The following PIGF variants were observed in gnomAD, a reference collection of about 807,000 sequenced individuals.
PIGF encodes GPI ethanolamine phosphate transferase, stabilizing subunit.
A neutral mutation model predicts 26.0 loss-of-function variants in PIGF; 23 were observed. The observed-to-expected ratio is 0.88, with a 90% CI of 0.64 to 1.25. The LOEUF (loss-of-function observed/expected upper bound fraction) is 1.25. PIGF is among the 50% of genes most tolerant of loss of function. The pLI is 0.00. For missense variants in PIGF, 278 were observed against 249.9 expected (o/e 1.11, Z -0.76); for synonymous variants, 93 against 92.6 (o/e 1.00, Z -0.03).
At position 46,592,519 on chromosome 2, in the gene PIGF, G is replaced by T; in HGVS notation, c.502C>A (p.Leu168Ile). Residue 168 changes from leucine to isoleucine, a missense_variant, in exon 5 of 6, where the codon CTT (leucine) becomes ATT (isoleucine). By Grantham distance (5) the Leu-to-Ile change is conservative. Coordinates refer to ENST00000281382, the MANE Select transcript of PIGF (RefSeq NM_002643.4). ...TTISSFVGAW[L>I]GALPIPLDWE... ...TCCAGTGGAATAGGAAGTGCTCCAA[G>T]CCATGCTCCTACAAAGCTAGAAATT... The T allele has an allele frequency of 6.2e-7, 1 of 1,611,054 alleles. No homozygotes were observed. The highest frequency in any genetic ancestry group is 8.5e-7 in the Non-Finnish European group (1 of 1,177,176).
At chr2:46,594,899 G>A (rs1424272908) in intron 4 of PIGF, among the ~76,000 whole-genome samples, 1 of 151,302 alleles carries the variant, frequency 6.6e-6, no homozygotes, top group African/African-American at 2.4e-5. Context: ...TGCCTAGGCT[G>A]GAATGCAATG....
In PIGF at chr2:46,615,022, GA is replaced by G. The variant is rs1221540173; in HGVS notation, c.142del (p.Ser48LeufsTer4). The G allele has an allele frequency of 6.2e-7, 1 of 1,608,534 alleles. No homozygotes were observed. Among genetic ancestry groups the G allele is most frequent in the Non-Finnish European group, 8.5e-7 (1 of 1,175,138 alleles). On this transcript the variant is annotated frameshift_variant, in exon 2 of 6. Transcript: ENST00000281382. LOFTEE classifies it high-confidence loss of function. ...ETHLTWLCIC[S>X]GFVTAVNLVL... The stretch of plus-strand genomic sequence containing the variant: ...TAGATTGACAGCAGTTACAAAACCA[GA>G]ACAGATGCACAACCATGTCAAGTGT...
intron 4 of PIGF, among the ~76,000 whole-genome samples, chr2:46,601,132 T>G (rs536393841): frequency 1.1e-3 from 173 of 152,216 alleles, no homozygotes; most frequent in African/African-American, 4.1e-3. Flanking sequence ...CTGACATTGA[T>G]GTACTCTCAT....
At chr2:46,581,663 A>G (rs144395549) in intron 5 of PIGF, 72 bp from the exon 6 acceptor site, 60,833 of 1,528,988 alleles carry the variant, frequency 0.04, 1,528 homozygotes, top group African/African-American at 0.11. Context: ...TGTAACCTAA[A>G]TATTTCTATA....
intron 2 of PIGF, chr2:46,614,513 A>C (rs1441509127): frequency 6.4e-6 from 1 of 156,598 alleles, no homozygotes; most frequent in African/African-American, 2.4e-5. Flanking sequence ...TAGTCAAGGA[A>C]GGCCATGTTG....
At chr2:46,616,521 C>T (rs911473736) in intron 1 of PIGF, 2 of 153,052 alleles carry the variant, frequency 1.3e-5, no homozygotes, top group Admixed American at 1.3e-4. Context: ...CCGGTTAGGC[C>T]CTGGCGTGCC....
intron 4 of PIGF, among the ~76,000 whole-genome samples, 174 bp downstream of exon 4, chr2:46,612,054 T>C (rs1377068027): frequency 6.6e-6 from 1 of 151,988 alleles, no homozygotes; most frequent in African/African-American, 2.4e-5. Context: ...GAGGGGCTTG[T>C]AGTTCTGCCT....
intron 4 of PIGF, among the ~76,000 whole-genome samples, chr2:46,609,679 G>C (rs1409103010): frequency 1.3e-5 from 2 of 152,086 alleles, no homozygotes; most frequent in African/African-American, 4.8e-5. Context: ...TTGTATCTCA[G>C]GGAACAGGGA....
chr2:46,597,217 A>G (rs1010674731), intron 4 of PIGF, among the ~76,000 whole-genome samples: 1 of 148,646 alleles, frequency 6.7e-6, no homozygotes. Context: ...TCCTCCATCT[A>G]TCTTCCTTTT....
intron 4 of PIGF, among the ~76,000 whole-genome samples, chr2:46,610,487 A>G (rs1259829386): frequency 1.3e-5 from 2 of 151,034 alleles, no homozygotes; most frequent in Non-Finnish European, 2.9e-5. Context: ...GACTTTATGA[A>G]TATTAGAAGA....
At position 46,615,029 on chromosome 2, in the gene PIGF, T is replaced by A. The variant is rs778768853; in HGVS notation, c.136A>T (p.Ile46Phe). The change falls in exon 2 of 6, where the codon ATC becomes TTC. Residue 46 changes from isoleucine (I) to phenylalanine (F), a missense_variant. Coordinates refer to ENST00000281382, the MANE Select transcript of PIGF (RefSeq NM_002643.4). ...ILETHLTWLC[I>F]CSGFVTAVNL... ...ACAGCAGTTACAAAACCAGAACAGA[T>A]GCACAACCATGTCAAGTGTGTTTCC... 2.5e-6 allele frequency: 4 copies of A among 1,608,068 alleles called. No individual in the cohort carries two copies. The highest frequency in any genetic ancestry group is 3.4e-6 in the Non-Finnish European group (4 of 1,174,556).
intron 5 of PIGF, chr2:46,591,693 T>C (rs1669726339): frequency 9.4e-7 from 1 of 1,066,684 alleles, no homozygotes; most frequent in Non-Finnish European, 1.2e-6. Flanking sequence ...GTCATTAATA[T>C]TAAGATAAAG....
intron 2 of PIGF, 174 bp from the exon 3 acceptor site, chr2:46,613,959 T>C (rs1670519838): frequency 3.7e-6 from 2 of 546,036 alleles, no homozygotes; most frequent in Non-Finnish European, 6.4e-6. Flanking sequence ...CAGCCTTCGA[T>C]ACAGACTAAA....
intron 5 of PIGF, among the ~76,000 whole-genome samples, chr2:46,586,683 A>G (rs1340192437): frequency 6.6e-6 from 1 of 152,186 alleles, no homozygotes; most frequent in Non-Finnish European, 1.5e-5. Flanking sequence ...TGCATGACTG[A>G]GAGAGTTCAT....
chr2:46,581,109 C>T lies in PIGF; in HGVS notation c.*369G>A. On this transcript the variant is annotated 3_prime_UTR_variant, in exon 6 of 6. Transcript: ENST00000281382. ...GAAACATCTTCAGTGGCCAAGGAAA[C>T]TGTCCATTTCTCTCAGAAAGCAAAT... The T allele has an allele frequency of 4.9e-6, 7 of 1,415,634 alleles. No homozygotes were observed. The highest frequency in any genetic ancestry group is 5.7e-6 in the Non-Finnish European group (6 of 1,050,592). The allele number at this position is 1,415,634 out of a possible 1,614,324, so 87.7% of individuals were successfully genotyped here. A position where few individuals can be genotyped will look rare whatever the true frequency, so the allele number is the denominator to read the frequency against.
chr2:46,608,922 G>T (rs1388634151), intron 4 of PIGF, among the ~76,000 whole-genome samples: 2 of 152,174 alleles, frequency 1.3e-5, no homozygotes, highest in Non-Finnish European at 2.9e-5. Context: ...AGGGCCCTAG[G>T]ATTTGCAAAA....
At chr2:46,600,814 A>G (rs1017379176) in intron 4 of PIGF, among the ~76,000 whole-genome samples, 1 of 152,142 alleles carries the variant, frequency 6.6e-6, no homozygotes, top group Admixed American at 6.5e-5. Flanking sequence ...ATGTAAGAAG[A>G]GGTAGATTAT....
In PIGF at chr2:46,592,556, G is replaced by C. The variant is rs766058415; in HGVS notation, c.465C>G (p.Leu155=). The C allele has an allele frequency of 1.2e-6, 2 of 1,601,260 alleles. No homozygotes were observed. The highest frequency in any genetic ancestry group is 1.7e-6 in the Non-Finnish European group (2 of 1,168,280). The change falls in exon 5 of 6, where the codon CTC becomes CTG. Residue 155 remains leucine (L), a synonymous_variant. Coordinates refer to ENST00000281382, the MANE Select transcript of PIGF (RefSeq NM_002643.4). ...CAAAGCTAGAAATTGTAGTGATCTG[G>C]AGACTATTCTCCCATATGGATGTAA... is the stretch of plus-strand genomic sequence containing the variant. ...NGVTSIWENS[L]QITTISSFVG...
intron 4 of PIGF, among the ~76,000 whole-genome samples, chr2:46,595,584 G>C (rs897921229): frequency 5.9e-5 from 9 of 152,192 alleles, no homozygotes; most frequent in Admixed American, 2.0e-4. Context: ...TTCTGTGTGA[G>C]CATATGTTTT....
Sources: allele counts gnomAD v4.1 joint callset (sites outside exome capture counted in the v4.1 genomes callset), GRCh38; gene constraint gnomAD v4.1.1; transcripts MANE v1.5; gene names NCBI Gene and HGNC (gene_info 2026-07-23, HGNC 2026-07-21).